The following GPR26 variants were observed in gnomAD, a reference collection of about 807,000 sequenced individuals.
GPR26 encodes the protein G protein-coupled receptor 26.
A neutral mutation model predicts 23.1 loss-of-function variants in GPR26; 15 were observed. The observed-to-expected ratio is 0.65, with a 90% CI of 0.43 to 1.00. The LOEUF is 1.00. Among genes scored for constraint, GPR26 ranks in the 50% least tolerant of loss-of-function variants. The pLI is 0.00. For missense variants in GPR26, 359 were observed against 470.5 expected, an observed-to-expected ratio of 0.76 and a Z score of 2.19; for synonymous variants, 228 against 222.1, an observed-to-expected ratio of 1.03 and a Z score of -0.24.
At position 123,688,381 on chromosome 10, in the gene GPR26, G is replaced by A. The variant is rs1845454173; in HGVS notation, c.*221G>A. On this transcript the variant is annotated 3_prime_UTR_variant, in exon 3 of 3. Transcript: ENST00000284674. Reference sequence around the variant, plus strand: ...TCACCAAAGGATGACTGTAGGCCGTGTGCTGGCCTTTCTTTCTAAGAAGCT... The same window carrying A: ...TCACCAAAGGATGACTGTAGGCCGTATGCTGGCCTTTCTTTCTAAGAAGCT... 1.1e-5 allele frequency: 6 copies of A among 562,046 alleles called. No homozygotes were observed. Among genetic ancestry groups the A allele is most frequent in the Non-Finnish European group, 1.9e-5 (6 of 313,116 alleles). 34.8% of individuals were successfully genotyped at this position (562,046 alleles called of 1,614,324 possible).
At chr10:123,687,795 G>C in intron 2 of GPR26, 134 bp from the exon 3 acceptor site, 1 of 624,364 alleles carries the variant, frequency 1.6e-6, no homozygotes, top group Non-Finnish European at 2.9e-6. Context: ...TGTTATTTGA[G>C]GAGGCAGTCT....
intron 2 of GPR26, 116 bp downstream of exon 2, chr10:123,675,047 G>T: frequency 1.5e-6 from 1 of 649,690 alleles, no homozygotes. Flanking sequence ...GTGTTGTGGG[G>T]GGCAAGAGTG....
chr10:123,676,317 T>C (rs141047029), intron 2 of GPR26, among the ~76,000 whole-genome samples: 141 of 152,270 alleles, frequency 9.3e-4, no homozygotes, highest in African/African-American at 3.0e-3. Context: ...TGGATGGGTC[T>C]GACTGGAGCA....
intron 1 of GPR26, among the ~76,000 whole-genome samples, chr10:123,670,020 G>A (rs573682726): frequency 3.3e-5 from 5 of 152,336 alleles, no homozygotes; most frequent in Admixed American, 2.0e-4. Flanking sequence ...GTGGGCCCCA[G>A]GGTATGGTTG....
rs1283427830 is a variant in GPR26 at position 123,688,034 on chromosome 10, A to G, written c.888A>G (p.Leu296=). ...KAASDPFVYS[L]LRHQYRKSCK... is the part of the protein sequence containing the mutation. ...CATCCGACCCCTTTGTGTACTCCTTACTGCGACACCAGTACCGCAAAAGCT... is the reference window on the plus strand; with the variant it reads ...CATCCGACCCCTTTGTGTACTCCTTGCTGCGACACCAGTACCGCAAAAGCT... The change falls in exon 3 of 3, where the codon TTA becomes TTG. Residue 296 remains leucine, a synonymous_variant. Coordinates refer to ENST00000284674, the MANE Select transcript of GPR26 (RefSeq NM_153442.4). 19 of 1,613,318 alleles carry G rather than the reference A, an allele frequency of 1.2e-5. No individual in the cohort carries two copies. Among genetic ancestry groups the G allele is most frequent in the Non-Finnish European group, 1.6e-5 (19 of 1,179,444 alleles).
chr10:123,670,228 T>C (rs1218864103), intron 1 of GPR26, among the ~76,000 whole-genome samples: 1 of 152,222 alleles, frequency 6.6e-6, no homozygotes, highest in African/African-American at 2.4e-5. Context: ...CCTGAGTGGC[T>C]GACTCTGGAG....
At chr10:123,679,711 T>C (rs2133927421) in intron 2 of GPR26, among the ~76,000 whole-genome samples, 1 of 152,280 alleles carries the variant, frequency 6.6e-6, no homozygotes, top group South Asian at 2.1e-4. Flanking sequence ...CCCCTCAGGC[T>C]CTCAGAGGCC....
chr10:123,666,479 G>T lies in GPR26; in HGVS notation c.72G>T (p.Ala24=). The change falls in exon 1 of 3, where the codon GCG becomes GCT. Residue 24 remains alanine, a synonymous_variant. Transcript: ENST00000284674. ...GTMGVSLLSN[A]LVLLCLLHSA... ...TGGGCGTCTCGCTGCTGTCCAACGC[G>T]CTGGTGCTGCTCTGCCTGCTGCACA... 3.8e-6 allele frequency: 6 copies of T among 1,560,372 alleles called. No homozygotes were observed. The highest frequency in any genetic ancestry group is 5.2e-6 in the Non-Finnish European group (6 of 1,159,332).
In GPR26 at chr10:123,695,112, G is replaced by A. The variant is rs189474892; in HGVS notation, c.*6952G>A. Among the ~76,000 whole-genome samples the A allele has an allele frequency of 6.7e-4, 102 of 152,294 alleles. 1 individual carries two copies. The South Asian group carries it at 8.9e-3, about 13-fold the overall frequency. The stretch of plus-strand genomic sequence containing the variant: ...TCCCTTCACTCCCACACCTATCTCC[G>A]GGTGTTGCCCGTACAGTGTGTCATG... On this transcript the variant is annotated 3_prime_UTR_variant, in exon 3 of 3. Coordinates refer to ENST00000284674, the MANE Select transcript of GPR26 (RefSeq NM_153442.4).
chr10:123,679,608 A>G (rs895490005), intron 2 of GPR26, among the ~76,000 whole-genome samples: 9 of 140,582 alleles, frequency 6.4e-5, no homozygotes, highest in Admixed American at 7.2e-5. Flanking sequence ...GGAACTGAGG[A>G]CTGGGGTCAG....
chr10:123,695,734 T>C lies in GPR26; in HGVS notation c.*7574T>C, dbSNP rs1256748357. Among the ~76,000 whole-genome samples the C allele has an allele frequency of 6.6e-6, 1 of 152,200 alleles. No homozygotes were observed. Reference sequence around the variant, plus strand: ...CTCAACTCATGTATTACCAAATCTTTGCTTGAATTATTAATAGTAACCAAA... The same window carrying C: ...CTCAACTCATGTATTACCAAATCTTCGCTTGAATTATTAATAGTAACCAAA... On this transcript the variant is annotated 3_prime_UTR_variant, in exon 3 of 3. Coordinates refer to ENST00000284674, the MANE Select transcript of GPR26 (RefSeq NM_153442.4).
chr10:123,683,382 A>T (rs982281627), intron 2 of GPR26, among the ~76,000 whole-genome samples: 3 of 152,232 alleles, frequency 2.0e-5, no homozygotes, highest in Non-Finnish European at 2.9e-5. Flanking sequence ...TGAAGCAGTT[A>T]AGGAGACACA....
intron 2 of GPR26, among the ~76,000 whole-genome samples, chr10:123,685,003 T>G (rs1327030699): frequency 6.6e-6 from 1 of 152,244 alleles, no homozygotes; most frequent in Non-Finnish European, 1.5e-5. Flanking sequence ...TGGAGACTTC[T>G]GCTCTGCGAG....
Position 123,689,035 on chromosome 10 carries a change from G to T in GPR26, c.*875G>T, listed in dbSNP as rs1845461954. On this transcript the variant is annotated 3_prime_UTR_variant, in exon 3 of 3. Coordinates refer to ENST00000284674, the MANE Select transcript of GPR26 (RefSeq NM_153442.4). Reference sequence around the variant, plus strand: ...CCCTGTTTGTGACCTGAATTTACAGGAAGTGTTTCAACTTGTCTTATGCAT... The same window carrying T: ...CCCTGTTTGTGACCTGAATTTACAGTAAGTGTTTCAACTTGTCTTATGCAT... The T allele has an allele frequency of 6.6e-6, 1 of 152,188 alleles. No individual in the cohort carries two copies. The highest frequency in any genetic ancestry group is 1.5e-5 in the Non-Finnish European group (1 of 68,054). The allele number at this position is 152,188 out of a possible 1,614,324, so 9.4% of individuals were successfully genotyped here.
At chr10:123,682,928 C>T (rs1002328210) in intron 2 of GPR26, among the ~76,000 whole-genome samples, 17 of 152,210 alleles carry the variant, frequency 1.1e-4, no homozygotes, top group African/African-American at 3.9e-4. Context: ...AGACCCTGGG[C>T]TGGCTGTCCA....
intron 2 of GPR26, among the ~76,000 whole-genome samples, chr10:123,686,944 C>T (rs1008159695): frequency 6.6e-6 from 1 of 152,148 alleles, no homozygotes; most frequent in Non-Finnish European, 1.5e-5. Flanking sequence ...TTTTCTATTT[C>T]ATGTTAATGC....
chr10:123,696,405 G>A lies in GPR26; in HGVS notation c.*8245G>A, dbSNP rs1379327594. 6.6e-6 allele frequency among the ~76,000 whole-genome samples: 1 copy of A among 152,004 alleles called. No homozygotes were observed. On this transcript the variant is annotated 3_prime_UTR_variant, in exon 3 of 3. Coordinates refer to ENST00000284674, the MANE Select transcript of GPR26 (RefSeq NM_153442.4). ...TTTTCATAGATTCTATTTTTTTCATGTCTGTGAAAAGTGGGGTGGGGAACT... is the reference window on the plus strand; with the variant it reads ...TTTTCATAGATTCTATTTTTTTCATATCTGTGAAAAGTGGGGTGGGGAACT...
intron 1 of GPR26, among the ~76,000 whole-genome samples, chr10:123,673,802 G>A (rs773886919): frequency 4.6e-5 from 7 of 152,334 alleles, no homozygotes; most frequent in African/African-American, 7.2e-5. Context: ...TGCCTCAGAT[G>A]TAAAAGACCA....
chr10:123,683,033 C>CGTGT lies in GPR26; in HGVS notation c.783-4882_783-4879dup, dbSNP rs10608896. Among the ~76,000 whole-genome samples the CGTGT allele has an allele frequency of 6.0e-5, 9 of 150,874 alleles. No individual in the cohort carries two copies. In the East Asian group the frequency reaches 1.6e-3, roughly 26 times the overall value. On this transcript the variant is annotated intron_variant, in intron 2 of 2. Transcript: ENST00000284674. ...GTATGTATGTGTGTGCATGTGTTTA[C>CGTGT]GTGTGTGTGTGTGTGTGAGTGAGAG...
Sources: gnomAD v4.1 joint callset for allele counts (sites outside exome capture counted in the v4.1 genomes callset) on GRCh38, gnomAD v4.1.1 for gene constraint, MANE v1.5 for transcripts, NCBI Gene and HGNC (gene_info 2026-07-23, HGNC 2026-07-21) for gene names.